GPBP1L1: variants seen among roughly 807,000 people sequenced by gnomAD.
The protein encoded by GPBP1L1 is GC-rich promoter binding protein 1 like 1.
Under a neutral mutation model 52.5 loss-of-function variants are expected in GPBP1L1, and 23 were observed. The observed-to-expected ratio is 0.44, with a 90% CI of 0.32 to 0.62. The LOEUF is 0.62. GPBP1L1 is among the 20% of genes least tolerant of loss of function. GPBP1L1 has a pLI of 0.06. For missense variants in GPBP1L1, 596 were observed against 579.3 expected, an observed-to-expected ratio of 1.03 and a Z score of -0.30; for synonymous variants, 243 against 203.1, an observed-to-expected ratio of 1.20 and a Z score of -1.67.
chr1:45,672,535 A>T (rs1180022016), intron 2 of GPBP1L1, among the ~76,000 whole-genome samples: 1 of 138,038 alleles, frequency 7.2e-6, no homozygotes, highest in Admixed American at 7.5e-5. Context: ...CTCTTTTTAT[A>T]CACATGTTAA....
intron 6 of GPBP1L1, among the ~76,000 whole-genome samples, chr1:45,648,313 T>C (rs151228825): frequency 1.3e-5 from 2 of 152,354 alleles, no homozygotes; most frequent in East Asian, 1.9e-4. Context: ...CCAATCTTGC[T>C]ATAGTTAAAT....
Position 45,660,943 on chromosome 1 carries a change from C to A in GPBP1L1, c.-815G>T, listed in dbSNP as rs1644940498. 6.6e-6 allele frequency: 1 copy of A among 152,194 alleles called. No homozygotes were observed. Among genetic ancestry groups the A allele is most frequent in the South Asian group, 2.1e-4 (1 of 4,830 alleles). 9.4% of individuals were successfully genotyped at this position (152,194 alleles called of 1,614,324 possible). A position where few individuals can be genotyped will look rare whatever the true frequency, so the allele number is the denominator to read the frequency against. The stretch of plus-strand genomic sequence containing the variant: ...AAGCTACTAAATGTATATTCTATGT[C>A]TTTGGCCTTTACTATTTATAAATTC... On this transcript the variant is annotated 5_prime_UTR_variant, in exon 3 of 13. Coordinates refer to ENST00000355105, the MANE Select transcript of GPBP1L1 (RefSeq NM_021639.5).
rs1322629810 is a variant in GPBP1L1 at position 45,654,802 on chromosome 1, C to A, written c.218G>T (p.Arg73Leu). ...GDSWHQPSLFRHDSVDSGVSK... is the reference protein window; with the variant it reads ...GDSWHQPSLFLHDSVDSGVSK... ...GACACCAGAGTCCACAGAATCATGG[C>A]GGAACAGGGAGGGCTGGTGCCAAGA... Residue 73 changes from arginine to leucine, a missense_variant, in exon 6 of 13, where the codon CGC (arginine) becomes CTC (leucine). Transcript: ENST00000355105. The A allele has an allele frequency of 1.2e-6, 2 of 1,613,980 alleles. No individual in the cohort carries two copies. Among genetic ancestry groups the A allele is most frequent in the Non-Finnish European group, 1.7e-6 (2 of 1,179,984 alleles).
In GPBP1L1 at chr1:45,633,505, C is replaced by G. The variant is rs1418623774; in HGVS notation, c.1028G>C (p.Cys343Ser). 20 of 1,613,884 alleles carry G rather than the reference C, an allele frequency of 1.2e-5. No homozygotes were observed. In the Admixed American group the frequency reaches 3.3e-4, roughly 27 times the overall value. The change falls in exon 10 of 13, where the codon TGT becomes TCT. Residue 343 changes from cysteine (C) to serine (S), a missense_variant. By Grantham distance (112) the Cys-to-Ser change is moderately radical. Coordinates refer to ENST00000355105, the MANE Select transcript of GPBP1L1 (RefSeq NM_021639.5). Reference protein sequence around the residue: ...RNGDFSENRDCDKLEDLEDNS... With the variant: ...RNGDFSENRDSDKLEDLEDNS... ...TGCTCTTACATCTTCCAGCTTGTCA[C>G]AGTCTCTATTCTCTGAGAAGTCTCC... is the stretch of plus-strand genomic sequence containing the variant.
At chr1:45,647,109 T>A (rs1476214944) in intron 6 of GPBP1L1, among the ~76,000 whole-genome samples, 1 of 151,788 alleles carries the variant, frequency 6.6e-6, no homozygotes, top group Non-Finnish European at 1.5e-5. Context: ...TCAAGAGTTC[T>A]AGCCCCTTAT....
chr1:45,654,517 C>A, intron 6 of GPBP1L1, 26 bp downstream of exon 6: 1 of 1,574,606 alleles, frequency 6.4e-7, no homozygotes, highest in Non-Finnish European at 8.7e-7. Context: ...TGGCTTCTAA[C>A]CACACATCTA....
chr1:45,628,293 C>A lies in GPBP1L1; in HGVS notation c.1388G>T (p.Ser463Ile), dbSNP rs760098178. ...AEFEDSDTET[S>I]SSETSDDDAW... ...ATCGTCATCTGATGTTTCACTGCTA[C>A]TGGTTTCGGTGTCTGAGTCCTCAAA... Residue 463 changes from serine (S) to isoleucine (I), a missense_variant, in exon 13 of 13, where the codon AGT (serine) becomes ATT (isoleucine). Coordinates refer to ENST00000355105, the MANE Select transcript of GPBP1L1 (RefSeq NM_021639.5). 1.9e-6 allele frequency: 3 copies of A among 1,614,052 alleles called. No individual in the cohort carries two copies. The highest frequency in any genetic ancestry group is 1.7e-6 in the Non-Finnish European group (2 of 1,180,040).
intron 8 of GPBP1L1, among the ~76,000 whole-genome samples, chr1:45,639,050 GA>G (rs372916432): frequency 8.2e-5 from 12 of 145,894 alleles, no homozygotes; most frequent in East Asian, 2.0e-4. Context: ...TAAAGAGCTG[GA>G]AAAAAAAAAG....
intron 10 of GPBP1L1, among the ~76,000 whole-genome samples, chr1:45,632,285 C>G (rs998173527): frequency 5.3e-5 from 8 of 152,164 alleles, no homozygotes; most frequent in Non-Finnish European, 2.9e-5. Flanking sequence ...TGCCTGTAAT[C>G]CCAGCTACTT....
chr1:45,679,440 A>C (rs879280226), intron 2 of GPBP1L1, among the ~76,000 whole-genome samples: 3 of 152,138 alleles, frequency 2.0e-5, no homozygotes, highest in Non-Finnish European at 4.4e-5. Context: ...CAAGTCCCCA[A>C]AGTAAAGGGC....
upstream of GPBP1L1, chr1:45,687,515 C>G (rs1645305609): frequency 2.0e-5 from 3 of 152,242 alleles, no homozygotes; most frequent in Admixed American, 2.0e-4. Context: ...TCAGTTTTAT[C>G]CATAGACACG....
intron 2 of GPBP1L1, among the ~76,000 whole-genome samples, chr1:45,679,307 G>A (rs12077112): frequency 0.012 from 1,778 of 152,264 alleles, 26 homozygotes; most frequent in African/African-American, 0.037. Flanking sequence ...CAAAACCCCT[G>A]CCAAGGTCAT....
At chr1:45,665,725 C>T (rs377442961) in intron 2 of GPBP1L1, among the ~76,000 whole-genome samples, 51 of 116,434 alleles carry the variant, frequency 4.4e-4, no homozygotes, top group Middle Eastern at 0.015. Flanking sequence ...GCCTGGGCAA[C>T]AGAGCGAGAC....
intron 6 of GPBP1L1, among the ~76,000 whole-genome samples, chr1:45,652,659 T>A (rs1342509013): frequency 6.6e-6 from 1 of 152,160 alleles, no homozygotes; most frequent in Non-Finnish European, 1.5e-5. Context: ...GTTTATTTAA[T>A]CATAGAATAA....
At chr1:45,657,228 AAG>A (rs1644895719) in intron 4 of GPBP1L1, among the ~76,000 whole-genome samples, 1 of 152,170 alleles carries the variant, frequency 6.6e-6, no homozygotes, top group African/African-American at 2.4e-5. Flanking sequence ...AAATTTTGTT[AAG>A]ACAATTTGAA....
intron 2 of GPBP1L1, among the ~76,000 whole-genome samples, chr1:45,674,161 T>A (rs1486621809): frequency 2.0e-5 from 3 of 152,120 alleles, no homozygotes; most frequent in Non-Finnish European, 2.9e-5. Flanking sequence ...CCATCTTAAA[T>A]CCCCTGATTT....
intron 12 of GPBP1L1, 122 bp downstream of exon 12, chr1:45,629,454 T>TTTCC (rs758811981): frequency 5.1e-4 from 60 of 117,602 alleles, no homozygotes; most frequent in South Asian, 9.6e-4. Flanking sequence ...ACTAAGGTAA[T>TTTCC]CCCCCCCCCC....
Position 45,645,924 on chromosome 1 carries a change from T to C in GPBP1L1, c.478-3425A>G, listed in dbSNP as rs1047899271. The C allele has an allele frequency of 1.4e-5, 7 of 498,938 alleles. No homozygotes were observed. In the Admixed American group the frequency reaches 1.5e-4, roughly 11 times the overall value. 30.9% of individuals were successfully genotyped at this position (498,938 alleles called of 1,614,324 possible). On this transcript the variant is annotated intron_variant, in intron 6 of 12. Coordinates refer to ENST00000355105, the MANE Select transcript of GPBP1L1 (RefSeq NM_021639.5). Reference sequence around the variant, plus strand: ...ATATGACGAAGTCAAATGGTTGGGATAGAAGCAGATTGTTCTGCCGTTTTT... The same window carrying C: ...ATATGACGAAGTCAAATGGTTGGGACAGAAGCAGATTGTTCTGCCGTTTTT...
At chr1:45,639,216 T>C (rs930209802) in intron 8 of GPBP1L1, among the ~76,000 whole-genome samples, 2 of 152,050 alleles carry the variant, frequency 1.3e-5, no homozygotes, top group African/African-American at 2.4e-5. Context: ...GTTTTTGGAA[T>C]GATCATTCTG....
Sources: allele counts gnomAD v4.1 joint callset (sites outside exome capture counted in the v4.1 genomes callset), GRCh38; gene constraint gnomAD v4.1.1; transcripts MANE v1.5; gene names NCBI Gene and HGNC (gene_info 2026-07-23, HGNC 2026-07-21).